Variants in SCHIP1 observed in about 807,000 individuals in gnomAD.
SCHIP1 encodes schwannomin-interacting protein 1.
Under a neutral mutation model 29.7 loss-of-function variants are expected in SCHIP1, and 8 were observed. The ratio of observed to expected loss-of-function variants is 0.27; its 90% confidence interval spans 0.16 to 0.49. The LOEUF is 0.49. Ranked by LOEUF, SCHIP1 falls within the 20% of genes least tolerant of loss-of-function variation. SCHIP1 has a pLI of 0.99. For missense variants in SCHIP1, 193 were observed against 294.6 expected, an observed-to-expected ratio of 0.66 and a Z score of 2.52; for synonymous variants, 76 against 94.9, an observed-to-expected ratio of 0.80 and a Z score of 1.16.
chr3:159,583,244 C>A, the SCHIP1 span, among the ~76,000 whole-genome samples: 1 of 152,100 alleles, frequency 6.6e-6, no homozygotes, highest in Non-Finnish European at 1.5e-5. Flanking sequence ...GCAACACAAC[C>A]ATGAAACCCA....
the SCHIP1 span, among the ~76,000 whole-genome samples, chr3:159,783,280 C>T: frequency 2.6e-5 from 4 of 152,134 alleles, no homozygotes; most frequent in Non-Finnish European, 5.9e-5. Context: ...GGCCAGCTGC[C>T]GAGGCAGAGA....
chr3:159,374,980 TTA>T, the SCHIP1 span, among the ~76,000 whole-genome samples: 7 of 152,362 alleles, frequency 4.6e-5, no homozygotes, highest in Non-Finnish European at 8.8e-5. Context: ...CTATAAGTTT[TTA>T]TATGTATTAC....
the SCHIP1 span, among the ~76,000 whole-genome samples, chr3:159,700,871 G>T: frequency 6.6e-6 from 1 of 151,976 alleles, no homozygotes; most frequent in East Asian, 1.9e-4. Flanking sequence ...AAGGTTGGGG[G>T]AAAGGAAAGC....
the SCHIP1 span, among the ~76,000 whole-genome samples, chr3:159,713,268 GAAA>G: frequency 6.8e-6 from 1 of 147,094 alleles, no homozygotes; most frequent in African/African-American, 2.6e-5. Context: ...AAGAAAGAAA[GAAA>G]GAAAGAAAGA....
the SCHIP1 span, among the ~76,000 whole-genome samples, chr3:159,607,289 C>T: frequency 2.0e-5 from 3 of 152,092 alleles, no homozygotes; most frequent in African/African-American, 7.2e-5. Flanking sequence ...ACCTTATCTT[C>T]TTGATTTTTT....
At chr3:159,543,583 T>C in the SCHIP1 span, among the ~76,000 whole-genome samples, 57 of 151,774 alleles carry the variant, frequency 3.8e-4, no homozygotes, top group East Asian at 0.011. Context: ...TTCCATGGTG[T>C]ATATGTGCCA....
upstream of SCHIP1, among the ~76,000 whole-genome samples, chr3:159,838,434 G>C (rs1743882257): frequency 6.6e-6 from 1 of 152,116 alleles, no homozygotes; most frequent in African/African-American, 2.4e-5. Flanking sequence ...GTGGTTAATG[G>C]GAAGAGGAAG....
upstream of SCHIP1, among the ~76,000 whole-genome samples, chr3:159,839,628 C>CTTTTTTTTTTTTTTTTTTTT (rs3068349): frequency 1.4e-5 from 1 of 71,710 alleles, no homozygotes; most frequent in Non-Finnish European, 2.4e-5. Context: ...AGGTCTTTTT[C>CTTTTTTTTTTTTTTTTTTTT]TTTTTTTTTT....
At chr3:159,333,040 T>C in the SCHIP1 span, among the ~76,000 whole-genome samples, 1 of 152,130 alleles carries the variant, frequency 6.6e-6, no homozygotes, top group Admixed American at 6.6e-5. Flanking sequence ...AAAGAAGAGA[T>C]GATACTGAAA....
At chr3:159,286,438 G>A in the SCHIP1 span, among the ~76,000 whole-genome samples, 1 of 152,142 alleles carries the variant, frequency 6.6e-6, no homozygotes. Context: ...ATTCCATGGT[G>A]TATATATACC....
the SCHIP1 span, among the ~76,000 whole-genome samples, chr3:159,490,693 C>T: frequency 6.6e-5 from 10 of 152,142 alleles, no homozygotes; most frequent in African/African-American, 1.2e-4. Flanking sequence ...ATGGAGCCCT[C>T]GTGTATGGAG....
chr3:159,837,527 A>T (rs780547665), upstream of SCHIP1, among the ~76,000 whole-genome samples: 4 of 152,162 alleles, frequency 2.6e-5, no homozygotes, highest in Non-Finnish European at 5.9e-5. Context: ...GTTCGAGACC[A>T]GCCTGGCCAA....
At chr3:159,438,843 G>A in the SCHIP1 span, among the ~76,000 whole-genome samples, 1 of 152,136 alleles carries the variant, frequency 6.6e-6, no homozygotes, top group Non-Finnish European at 1.5e-5. Flanking sequence ...TGGCTGCATA[G>A]TATGCCATGG....
the SCHIP1 span, among the ~76,000 whole-genome samples, chr3:159,338,415 C>T: frequency 7.9e-3 from 1,202 of 152,122 alleles, 18 homozygotes; most frequent in African/African-American, 0.027. Context: ...GAGTGAAGAG[C>T]GGTAAAGTGC....
the SCHIP1 span, among the ~76,000 whole-genome samples, chr3:159,778,137 G>A: frequency 7.2e-3 from 1,100 of 152,074 alleles, 10 homozygotes; most frequent in African/African-American, 0.025. Context: ...GCCCGCCAGC[G>A]CGCCTGCCAG....
chr3:159,481,807 G>A, the SCHIP1 span, among the ~76,000 whole-genome samples: 5 of 152,210 alleles, frequency 3.3e-5, no homozygotes, highest in Middle Eastern at 6.8e-3. Flanking sequence ...TGTTTATTTT[G>A]TATCATGGAA....
At chr3:159,368,643 T>C in the SCHIP1 span, among the ~76,000 whole-genome samples, 1 of 152,182 alleles carries the variant, frequency 6.6e-6, no homozygotes, top group African/African-American at 2.4e-5. Flanking sequence ...CCCCTAACAG[T>C]AACATTAAAA....
chr3:159,711,056 T>G, the SCHIP1 span, among the ~76,000 whole-genome samples: 1 of 152,102 alleles, frequency 6.6e-6, no homozygotes, highest in African/African-American at 2.4e-5. Context: ...ACAACACCCT[T>G]AGGATTAATA....
At chr3:159,587,314 A>C in the SCHIP1 span, among the ~76,000 whole-genome samples, 2 of 152,178 alleles carry the variant, frequency 1.3e-5, no homozygotes, top group African/African-American at 4.8e-5. Flanking sequence ...ATTTATTATG[A>C]AATGTTTTAT....
Sources: gnomAD v4.1 joint callset for allele counts (sites outside exome capture counted in the v4.1 genomes callset) on GRCh38, gnomAD v4.1.1 for gene constraint, MANE v1.5 for transcripts, NCBI Gene and HGNC (gene_info 2026-07-23, HGNC 2026-07-21) for gene names.